ATP2C2: variants seen among roughly 807,000 people sequenced by gnomAD.
ATP2C2 encodes calcium-transporting ATPase type 2C member 2.
ATP2C2 carries 171 observed loss-of-function variants against 110.8 expected under a neutral mutation model. The observed-to-expected ratio is 1.54, with a 90% CI of 1.36 to 1.75. The LOEUF is 1.75. Ranked by LOEUF, ATP2C2 falls within the 40% of genes most tolerant of loss-of-function variation. The probability of loss-of-function intolerance (pLI) is 0.00; values close to 1 mark genes in which losing one functional copy is unlikely to be tolerated. For missense variants in ATP2C2, 1,963 were observed against 1,235.0 expected, an observed-to-expected ratio of 1.59 and a Z score of -8.84; for synonymous variants, 804 against 508.4, an observed-to-expected ratio of 1.58 and a Z score of -7.82.
chr16:84,462,024 C>G lies in ATP2C2; in HGVS notation c.2617C>G (p.His873Asp), dbSNP rs937304012. ...LIFEIGFLRN[H>D]MFLYSVLGSI... Reference sequence around the variant, plus strand: ...ATTTGAGATCGGCTTTCTCAGGAACCACATGTTCCTCTACTCCGTCCTGGG... The same window carrying G: ...ATTTGAGATCGGCTTTCTCAGGAACGACATGTTCCTCTACTCCGTCCTGGG... Residue 873 changes from histidine (H) to aspartate (D), a missense_variant, in exon 26 of 27, where the codon CAC becomes GAC. By Grantham distance (81) the His-to-Asp change is moderately conservative (BLOSUM62 -1). Coordinates refer to ENST00000262429, the MANE Select transcript of ATP2C2 (RefSeq NM_014861.4). The G allele has an allele frequency of 1.1e-5, 17 of 1,613,916 alleles. No homozygotes were observed. The East Asian group carries it at 3.8e-4, about 36-fold the overall frequency.
chr16:84,397,444 C>A (rs989902032), intron 1 of ATP2C2, among the ~76,000 whole-genome samples: 1 of 151,524 alleles, frequency 6.6e-6, no homozygotes, highest in Non-Finnish European at 1.5e-5. Flanking sequence ...ACTCTGTCCA[C>A]TTACAAGTTT....
At chr16:84,460,331 TC>T (rs1439727576) in intron 23 of ATP2C2, 4 of 384,918 alleles carry the variant, frequency 1.0e-5, no homozygotes, top group Non-Finnish European at 1.9e-5. Context: ...GGAGCCTGTT[TC>T]TCCAGGCGCA....
intron 10 of ATP2C2, among the ~76,000 whole-genome samples, chr16:84,423,602 G>A (rs767306145): frequency 6.6e-6 from 1 of 152,192 alleles, no homozygotes; most frequent in Non-Finnish European, 1.5e-5. Context: ...CTGTTACATT[G>A]CTGCTCTATC....
chr16:84,424,576 C>CTTTTTTTTTTTTTTTTTTTTTTT (rs371614449), intron 10 of ATP2C2, among the ~76,000 whole-genome samples: 2 of 114,870 alleles, frequency 1.7e-5, no homozygotes, highest in African/African-American at 4.0e-5. Flanking sequence ...CCGCACTGGG[C>CTTTTTTTTTTTTTTTTTTTTTTT]TTTTTTTTTT....
chr16:84,417,236 G>A (rs1906921684), intron 7 of ATP2C2, among the ~76,000 whole-genome samples: 1 of 152,202 alleles, frequency 6.6e-6, no homozygotes, highest in Admixed American at 6.5e-5. Context: ...ACAGGTGAGT[G>A]AGAGGCAGGT....
chr16:84,463,870 G>A lies in ATP2C2; in HGVS notation c.*138G>A. The A allele has an allele frequency of 5.1e-6, 4 of 790,624 alleles. No individual in the cohort carries two copies. Among genetic ancestry groups the A allele is most frequent in the East Asian group, 2.5e-5 (1 of 40,312 alleles). The allele number at this position is 790,624 out of a possible 1,614,324, so 49.0% of individuals were successfully genotyped here. A position where few individuals can be genotyped will look rare whatever the true frequency, so the allele number is the denominator to read the frequency against. ...CGGATCAGTTTTTCCTCTTAGGAAA[G>A]CTGCAGGAACCTCGTGGGCTCCAGG... On this transcript the variant is annotated 3_prime_UTR_variant, in exon 27 of 27. Coordinates refer to ENST00000262429, the MANE Select transcript of ATP2C2 (RefSeq NM_014861.4).
chr16:84,378,284 C>G (rs1415150210), intron 1 of ATP2C2, among the ~76,000 whole-genome samples: 6 of 152,162 alleles, frequency 3.9e-5, no homozygotes, highest in Non-Finnish European at 7.4e-5. Context: ...AGTGGCCACT[C>G]TTAACCAGGA....
chr16:84,387,398 G>C (rs1213873730), intron 1 of ATP2C2, among the ~76,000 whole-genome samples: 1 of 152,164 alleles, frequency 6.6e-6, no homozygotes, highest in Admixed American at 6.5e-5. Flanking sequence ...TGTAATCCCA[G>C]CCACTCAGGA....
intron 1 of ATP2C2, among the ~76,000 whole-genome samples, chr16:84,370,921 G>A (rs1204764512): frequency 1.3e-5 from 2 of 152,284 alleles, no homozygotes; most frequent in East Asian, 3.9e-4. Context: ...CTCTCGTCAT[G>A]TGATCAATGA....
At chr16:84,383,749 GTA>G (rs1910724631) in intron 1 of ATP2C2, among the ~76,000 whole-genome samples, 1 of 144,472 alleles carries the variant, frequency 6.9e-6, no homozygotes, top group Non-Finnish European at 1.5e-5. Flanking sequence ...GTGTGTGTGT[GTA>G]TGTGTGTGTT....
chr16:84,461,584 G>T (rs1227214999), intron 24 of ATP2C2, 130 bp from the exon 25 acceptor site: 4 of 807,348 alleles, frequency 5.0e-6, no homozygotes, highest in South Asian at 1.5e-5. Flanking sequence ...GAAGCTGTGT[G>T]ACCGATTCAT....
In ATP2C2 at chr16:84,450,072, T is replaced by G. The variant is rs568587409; in HGVS notation, c.1660+1383T>G. ...GAGCGTAATGACGCGTTCCAGGGAC[T>G]TGCTCCAGGCCTTGCGGGAGAGCGT... is the stretch of plus-strand genomic sequence containing the variant. On this transcript the variant is annotated intron_variant, in intron 17 of 26. Transcript: ENST00000262429. Among the ~76,000 whole-genome samples the G allele has an allele frequency of 7.9e-5, 12 of 152,358 alleles. No homozygotes were observed. In the East Asian group the frequency reaches 2.3e-3, roughly 29 times the overall value.
At chr16:84,454,239 G>C (rs868323752) in intron 20 of ATP2C2, among the ~76,000 whole-genome samples, 191 of 152,272 alleles carry the variant, frequency 1.3e-3, no homozygotes, top group African/African-American at 4.5e-3. Context: ...CCAGGCCCAT[G>C]AATCTCTTGG....
intron 1 of ATP2C2, among the ~76,000 whole-genome samples, chr16:84,386,395 T>A (rs374820035): frequency 6.6e-6 from 1 of 152,212 alleles, no homozygotes; most frequent in Non-Finnish European, 1.5e-5. Context: ...TCACCAACAG[T>A]AAGAACACTG....
intron 11 of ATP2C2, among the ~76,000 whole-genome samples, chr16:84,434,017 G>A (rs748998621): frequency 9.9e-5 from 15 of 152,178 alleles, no homozygotes; most frequent in Non-Finnish European, 1.9e-4. Context: ...TAAAGCCGCT[G>A]AAAGCCACTG....
intron 10 of ATP2C2, 110 bp from the exon 11 acceptor site, chr16:84,425,625 C>T: frequency 8.2e-7 from 1 of 1,215,268 alleles, no homozygotes; most frequent in Non-Finnish European, 1.2e-6. Context: ...ATCAGGCGTT[C>T]CTCTGTGCAT....
chr16:84,417,310 G>A (rs1906929173), intron 7 of ATP2C2, among the ~76,000 whole-genome samples: 1 of 152,160 alleles, frequency 6.6e-6, no homozygotes, highest in Non-Finnish European at 1.5e-5. Context: ...ATAGCTCCTA[G>A]GGCGTGACTC....
In ATP2C2 at chr16:84,422,610, C is replaced by T. The variant is rs777742552; in HGVS notation, c.775-19C>T. On this transcript the variant is annotated intron_variant, in intron 8 of 26. Transcript: ENST00000262429. ...CTCCCAGCCCTTAGATTTCATACTT[C>T]TCTCTCTCCTGGACACAGGGGGTCG... The T allele has an allele frequency of 1.2e-6, 2 of 1,610,932 alleles. No homozygotes were observed. The highest frequency in any genetic ancestry group is 2.2e-5 in the South Asian group (2 of 90,788).
chr16:84,380,981 T>G (rs988782658), intron 1 of ATP2C2, among the ~76,000 whole-genome samples: 2 of 152,040 alleles, frequency 1.3e-5, no homozygotes, highest in East Asian at 1.9e-4. Context: ...GAGTTTGAGA[T>G]CAGCCCGGCC....
Sources: allele counts gnomAD v4.1 joint callset (sites outside exome capture counted in the v4.1 genomes callset), GRCh38; gene constraint gnomAD v4.1.1; transcripts MANE v1.5; gene names NCBI Gene and HGNC (gene_info 2026-07-23, HGNC 2026-07-21).